Variants in SCLT1 observed in about 807,000 individuals in gnomAD.
The protein encoded by SCLT1 is sodium channel and clathrin linker 1.
Under a neutral mutation model 112.8 loss-of-function variants are expected in SCLT1, and 78 were observed. The observed-to-expected ratio is 0.69, with a 90% CI of 0.58 to 0.83. The LOEUF is 0.83. Among genes scored for constraint, SCLT1 ranks in the 40% least tolerant of loss-of-function variants. The probability of loss-of-function intolerance (pLI) is 0.00; values close to 1 mark genes in which losing one functional copy is unlikely to be tolerated. For synonymous variants in SCLT1, 257 were observed against 254.7 expected (o/e 1.01, Z -0.09); for missense variants, 747 against 770.4 (o/e 0.97, Z 0.36).
rs532215381 is a variant in SCLT1 at position 128,899,054 on chromosome 4, T to C, written c.1830-7917A>G. ...TTCATAGTTTACCAACCAAAAAAAG[T>C]CCAGGACCAGATGGATTCACAGCCG... On this transcript the variant is annotated intron_variant, in intron 18 of 20. Transcript: ENST00000281142. Among the ~76,000 whole-genome samples the C allele has an allele frequency of 1.3e-3, 194 of 152,104 alleles. 6 individuals carry two copies. In the South Asian group the frequency reaches 0.038, roughly 30 times the overall value.
chr4:128,997,147 T>TTTTTTACATGGTTAAAAAAGAAAAA (rs1162616167), intron 8 of SCLT1: 1 of 151,962 alleles, frequency 6.6e-6, no homozygotes, highest in East Asian at 1.9e-4. Context: ...GGTTTAATAA[T>TTTTTTACATGGTTAAAAAAGAAAAA]TTTTTACATG....
intron 18 of SCLT1, among the ~76,000 whole-genome samples, chr4:128,899,993 G>C (rs968395119): frequency 2.0e-5 from 3 of 152,100 alleles, no homozygotes; most frequent in South Asian, 2.1e-4. Context: ...TCTTCAAGGA[G>C]AACTACAAAC....
At chr4:128,944,208 T>C (rs946060974) in intron 16 of SCLT1, among the ~76,000 whole-genome samples, 4 of 152,142 alleles carry the variant, frequency 2.6e-5, no homozygotes, top group Admixed American at 2.0e-4. Context: ...GCAATACTCA[T>C]AGTCTTTTTT....
At chr4:128,875,180 C>G (rs2125912960) in intron 4 of SCLT1, 1 of 152,582 alleles carries the variant, frequency 6.6e-6, no homozygotes, top group East Asian at 1.9e-4. Context: ...TAGAATTGTG[C>G]CTTTTTGTCT....
intron 9 of SCLT1, among the ~76,000 whole-genome samples, chr4:128,977,997 C>T (rs1457237688): frequency 6.6e-6 from 1 of 152,050 alleles, no homozygotes; most frequent in Admixed American, 6.6e-5. Flanking sequence ...GATTTGTGAT[C>T]ATCTGTACAT....
intron 12 of SCLT1, among the ~76,000 whole-genome samples, chr4:128,959,140 A>G (rs886812754): frequency 1.3e-5 from 2 of 152,200 alleles, no homozygotes; most frequent in African/African-American, 4.8e-5. Context: ...ATTGTTAGAG[A>G]ATTAAAAAAG....
chr4:128,945,865 A>G (rs552089996), intron 16 of SCLT1, 142 bp downstream of exon 16: 31 of 499,408 alleles, frequency 6.2e-5, no homozygotes, highest in Admixed American at 1.1e-4. Flanking sequence ...AATCTTGAAT[A>G]AAATTATATT....
intron 18 of SCLT1, among the ~76,000 whole-genome samples, chr4:128,906,055 G>T (rs1371443508): frequency 6.6e-6 from 1 of 151,764 alleles, no homozygotes; most frequent in Non-Finnish European, 1.5e-5. Context: ...TTTTTTTTTA[G>T]CCTATGCATG....
chr4:128,892,937 A>C (rs1358949625), intron 18 of SCLT1, among the ~76,000 whole-genome samples: 1 of 152,214 alleles, frequency 6.6e-6, no homozygotes, highest in Non-Finnish European at 1.5e-5. Flanking sequence ...GCAGCTTAAA[A>C]TTACTGCCCA....
intron 2 of SCLT1, among the ~76,000 whole-genome samples, chr4:129,069,093 G>A (rs750125475): frequency 6.6e-6 from 1 of 152,062 alleles, no homozygotes; most frequent in Non-Finnish European, 1.5e-5. Flanking sequence ...TAAGTATTTG[G>A]GTTTATTTTT....
chr4:129,021,176 A>G (rs1423344760), intron 5 of SCLT1, among the ~76,000 whole-genome samples: 4 of 152,174 alleles, frequency 2.6e-5, no homozygotes, highest in African/African-American at 2.4e-5. Context: ...CCCACAGCCA[A>G]GGAAAGCTGT....
At chr4:129,029,887 T>C (rs1288326005) in intron 5 of SCLT1, among the ~76,000 whole-genome samples, 1 of 151,994 alleles carries the variant, frequency 6.6e-6, no homozygotes, top group Admixed American at 6.6e-5. Context: ...CATCCCACTG[T>C]CAATATTAGA....
chr4:128,945,392 T>C (rs1738061432), intron 16 of SCLT1, among the ~76,000 whole-genome samples: 2 of 152,108 alleles, frequency 1.3e-5, no homozygotes, highest in African/African-American at 2.4e-5. Flanking sequence ...TCTGAAAAGG[T>C]TATTGAAAAT....
chr4:129,056,642 T>C (rs1193998744), intron 2 of SCLT1, among the ~76,000 whole-genome samples: 1 of 152,234 alleles, frequency 6.6e-6, no homozygotes, highest in Non-Finnish European at 1.5e-5. Flanking sequence ...CACTAGTTTA[T>C]TTTAGTGTAT....
At chr4:128,948,362 AAAG>A in intron 15 of SCLT1, 131 bp downstream of exon 15, 2 of 1,006,662 alleles carry the variant, frequency 2.0e-6, no homozygotes, top group Non-Finnish European at 2.6e-6. Context: ...AAAAAAAAGA[AAAG>A]AAAAGAAAAA....
At chr4:129,036,357 A>C (rs1747180994) in intron 5 of SCLT1, among the ~76,000 whole-genome samples, 3 of 152,104 alleles carry the variant, frequency 2.0e-5, no homozygotes, top group Non-Finnish European at 4.4e-5. Flanking sequence ...AGTCCAATAT[A>C]GGAAACAATT....
At chr4:129,062,167 G>A (rs1040586811) in intron 2 of SCLT1, among the ~76,000 whole-genome samples, 2 of 152,102 alleles carry the variant, frequency 1.3e-5, no homozygotes, top group Non-Finnish European at 2.9e-5. Context: ...TTCCTAGCTG[G>A]TCCCAGTTGG....
intron 18 of SCLT1, among the ~76,000 whole-genome samples, chr4:128,935,569 T>C (rs1017472159): frequency 1.3e-5 from 2 of 152,132 alleles, no homozygotes; most frequent in Admixed American, 1.3e-4. Context: ...AATAATGTTA[T>C]ACACTTTGTG....
intron 2 of SCLT1, among the ~76,000 whole-genome samples, chr4:129,073,067 T>C (rs1751164026): frequency 6.6e-6 from 1 of 152,158 alleles, no homozygotes; most frequent in African/African-American, 2.4e-5. Context: ...GTGATTGCTA[T>C]CTCTCTTCTG....
Sources: allele counts gnomAD v4.1 joint callset (sites outside exome capture counted in the v4.1 genomes callset), GRCh38; gene constraint gnomAD v4.1.1; transcripts MANE v1.5; gene names NCBI Gene and HGNC (gene_info 2026-07-23, HGNC 2026-07-21).